Variants in PIK3C2G observed in about 807,000 individuals in gnomAD.
The protein encoded by PIK3C2G is phosphatidylinositol 3-kinase C2 domain-containing subunit gamma.
A neutral mutation model predicts 181.1 loss-of-function variants in PIK3C2G; 168 were observed. The observed-to-expected ratio is 0.93, with a 90% CI of 0.82 to 1.05. The LOEUF (loss-of-function observed/expected upper bound fraction) is 1.05, where lower values mean the gene tolerates loss of function less well. PIK3C2G is among the 50% of genes least tolerant of loss of function. PIK3C2G has a pLI of 0.00. For synonymous variants in PIK3C2G, 573 were observed against 592.2 expected, an observed-to-expected ratio of 0.97 and a Z score of 0.47; for missense variants, 1,869 against 1,732.8, an observed-to-expected ratio of 1.08 and a Z score of -1.40.
chr12:18,489,186 T>G (rs555380499), intron 19 of PIK3C2G, among the ~76,000 whole-genome samples: 19 of 152,170 alleles, frequency 1.2e-4, no homozygotes, highest in Admixed American at 4.6e-4. Context: ...TTTAATTATC[T>G]CCATCACTAG....
chr12:18,491,561 A>T lies in PIK3C2G; in HGVS notation c.2793+3A>T. 1 of 1,448,254 alleles carries T rather than the reference A, an allele frequency of 6.9e-7. No homozygotes were observed. 89.7% of individuals were successfully genotyped at this position (1,448,254 alleles called of 1,614,324 possible). A position where few individuals can be genotyped will look rare whatever the true frequency, so the allele number is the denominator to read the frequency against. Reference sequence around the variant, plus strand: ...GTATAAAAGGGATTGATCACGATGTAAGTCAACTTATTCCTCAGATTAATG... The same window carrying T: ...GTATAAAAGGGATTGATCACGATGTTAGTCAACTTATTCCTCAGATTAATG... On this transcript the variant is annotated splice_donor_region_variant and intron_variant, in intron 20 of 32. Coordinates refer to ENST00000538779, the MANE Select transcript of PIK3C2G (RefSeq NM_001288772.2).
At chr12:18,501,456 G>T (rs929136923) in intron 22 of PIK3C2G, among the ~76,000 whole-genome samples, 1 of 152,154 alleles carries the variant, frequency 6.6e-6, no homozygotes, top group African/African-American at 2.4e-5. Context: ...CCTTCCACAC[G>T]TGGGGATTAT....
intron 16 of PIK3C2G, among the ~76,000 whole-genome samples, chr12:18,402,604 T>C (rs751203602): frequency 1.3e-5 from 2 of 152,156 alleles, no homozygotes; most frequent in African/African-American, 4.8e-5. Flanking sequence ...TAAAGAATAA[T>C]TTTCTAACAA....
rs868645595 is a variant in PIK3C2G, at chr12:18,441,616, C to G, written c.2504+17577C>G. Among the ~76,000 whole-genome samples, 22 of 152,092 alleles carry G rather than the reference C, an allele frequency of 1.4e-4. 1 individual carries two copies. The Middle Eastern group carries it at 0.01, about 71-fold the overall frequency. On this transcript the variant is annotated intron_variant, in intron 18 of 32. Coordinates refer to ENST00000538779, the MANE Select transcript of PIK3C2G (RefSeq NM_001288772.2). Reference sequence around the variant, plus strand: ...GTGGACTGGAACAGGCGGGTGGGTGCATGTGGTGGTAGTTGCCTGTAGAGT... The same window carrying G: ...GTGGACTGGAACAGGCGGGTGGGTGGATGTGGTGGTAGTTGCCTGTAGAGT...
chr12:18,485,313 G>T (rs1939923129), intron 18 of PIK3C2G, among the ~76,000 whole-genome samples: 1 of 152,098 alleles, frequency 6.6e-6, no homozygotes, highest in Non-Finnish European at 1.5e-5. Context: ...CATGCATGAA[G>T]AAATGTAGAA....
intron 31 of PIK3C2G, among the ~76,000 whole-genome samples, chr12:18,627,294 T>G (rs1051461086): frequency 2.6e-5 from 4 of 152,144 alleles, no homozygotes; most frequent in African/African-American, 9.6e-5. Context: ...AATTTTACTT[T>G]TTGCCCATAT....
In PIK3C2G at chr12:18,282,484, G is replaced by A. The variant is rs1591819763; in HGVS notation, c.403G>A (p.Gly135Ser). 1 of 1,612,862 alleles carries A rather than the reference G, an allele frequency of 6.2e-7. No homozygotes were observed. Residue 135 changes from glycine (G) to serine (S), a missense_variant, in exon 2 of 33, where the codon GGT becomes AGT. Physicochemically the swap from Gly to Ser is moderately conservative, Grantham distance 56. Coordinates refer to ENST00000538779, the MANE Select transcript of PIK3C2G (RefSeq NM_001288772.2). ...GGGAAGCCCCATAGGAAAACATCATGGTGCTGATGATTCCAGATTCAGTAT... is the reference window on the plus strand; with the variant it reads ...GGGAAGCCCCATAGGAAAACATCATAGTGCTGATGATTCCAGATTCAGTAT... Reference protein sequence around the residue: ...SWGSPIGKHHGADDSRFSILA... With the variant: ...SWGSPIGKHHSADDSRFSILA...
At chr12:18,410,179 C>G (rs1944780128) in intron 16 of PIK3C2G, among the ~76,000 whole-genome samples, 2 of 152,128 alleles carry the variant, frequency 1.3e-5, no homozygotes, top group Admixed American at 1.3e-4. Context: ...ATGGGGCACA[C>G]TAGCTGACTA....
At chr12:18,291,924 A>G (rs1949706103) in intron 4 of PIK3C2G, among the ~76,000 whole-genome samples, 1 of 151,076 alleles carries the variant, frequency 6.6e-6, no homozygotes, top group African/African-American at 2.4e-5. Context: ...TAAAGAATAT[A>G]GGGGCTGGGC....
chr12:18,420,445 A>G (rs573601506), intron 16 of PIK3C2G, among the ~76,000 whole-genome samples: 1 of 152,272 alleles, frequency 6.6e-6, no homozygotes, highest in African/African-American at 2.4e-5. Flanking sequence ...ACAGTCTACT[A>G]GTAAGATTTA....
intron 18 of PIK3C2G, among the ~76,000 whole-genome samples, chr12:18,444,326 T>C (rs1364039407): frequency 6.6e-6 from 1 of 152,184 alleles, no homozygotes; most frequent in Non-Finnish European, 1.5e-5. Context: ...TGAAATCCTG[T>C]ATCATATTTT....
intron 18 of PIK3C2G, among the ~76,000 whole-genome samples, chr12:18,426,194 C>T (rs61914544): frequency 0.23 from 34,818 of 151,876 alleles, 4,216 homozygotes; most frequent in Admixed American, 0.35. Context: ...AAATTCTTTG[C>T]GATGTCTCAT....
chr12:18,459,320 C>G (rs1051379487), intron 18 of PIK3C2G, among the ~76,000 whole-genome samples: 2 of 152,122 alleles, frequency 1.3e-5, no homozygotes, highest in Non-Finnish European at 2.9e-5. Flanking sequence ...TTGTTTTTAG[C>G]CATTTAACCT....
intron 1 of PIK3C2G, among the ~76,000 whole-genome samples, chr12:18,267,802 C>T (rs1948568825): frequency 6.6e-6 from 1 of 152,152 alleles, no homozygotes; most frequent in Non-Finnish European, 1.5e-5. Context: ...CTTCTTTTGC[C>T]AGAAGTGGAC....
At chr12:18,517,911 T>C (rs1942654441) in intron 24 of PIK3C2G, among the ~76,000 whole-genome samples, 1 of 152,202 alleles carries the variant, frequency 6.6e-6, no homozygotes, top group Non-Finnish European at 1.5e-5. Context: ...GTTCCATCAA[T>C]ACCAAGTTTA....
the PIK3C2G span, among the ~76,000 whole-genome samples, chr12:18,665,637 A>G: frequency 6.6e-6 from 1 of 152,110 alleles, no homozygotes; most frequent in African/African-American, 2.4e-5. Flanking sequence ...TACTGAAAAT[A>G]CAAAAATTAG....
upstream of PIK3C2G, among the ~76,000 whole-genome samples, chr12:18,261,373 C>CT (rs1948227105): frequency 6.6e-6 from 1 of 151,976 alleles, no homozygotes; most frequent in Admixed American, 6.6e-5. Flanking sequence ...CAATGCAAAC[C>CT]TTTTTTCTTT....
the PIK3C2G span, among the ~76,000 whole-genome samples, chr12:18,660,363 G>T: frequency 6.6e-6 from 1 of 152,102 alleles, no homozygotes; most frequent in Non-Finnish European, 1.5e-5. Flanking sequence ...CACAGACAAA[G>T]GTGGGAAGTT....
intron 26 of PIK3C2G, among the ~76,000 whole-genome samples, chr12:18,551,257 G>T (rs1172057612): frequency 6.6e-6 from 1 of 152,066 alleles, no homozygotes; most frequent in Non-Finnish European, 1.5e-5. Flanking sequence ...ATACTCTCAT[G>T]TAATATCTCT....
Sources: allele counts gnomAD v4.1 joint callset (sites outside exome capture counted in the v4.1 genomes callset), GRCh38; gene constraint gnomAD v4.1.1; transcripts MANE v1.5; gene names NCBI Gene and HGNC (gene_info 2026-07-23, HGNC 2026-07-21).